BCLAF3: variants seen among roughly 807,000 people sequenced by gnomAD.
BCLAF3 encodes BCLAF1 and THRAP3 family member 3, also known as transient octamer binding factor 1.
A neutral mutation model predicts 51.2 loss-of-function variants in BCLAF3; 24 were observed. The observed-to-expected ratio is 0.47, with a 90% confidence interval of 0.34 to 0.66. The LOEUF is 0.66. Among genes scored for constraint, BCLAF3 ranks in the 30% least tolerant of loss-of-function variants. The pLI is 0.01. For missense variants in BCLAF3, 465 were observed against 525.1 expected (o/e 0.89, Z 1.12); for synonymous variants, 152 against 176.6 (o/e 0.86, Z 1.10).
chrX:19,956,402 C>T (rs951300540), intron 4 of BCLAF3, among the ~76,000 whole-genome samples: 1 of 111,468 alleles, frequency 9.0e-6, no homozygotes, highest in Non-Finnish European at 1.9e-5. Flanking sequence ...TTACAATAAC[C>T]CTATGGGGAA....
At chrX:19,940,556 T>G (rs1474469659) in intron 8 of BCLAF3, among the ~76,000 whole-genome samples, 1 of 111,073 alleles carries the variant, frequency 9.0e-6, no homozygotes, top group Non-Finnish European at 1.9e-5. Context: ...TTACTGAGAA[T>G]GATGATTTCC....
At chrX:19,922,219 A>G (rs1006555630) in intron 11 of BCLAF3, among the ~76,000 whole-genome samples, 1 of 110,903 alleles carries the variant, frequency 9.0e-6, no homozygotes, top group Non-Finnish European at 1.9e-5. Flanking sequence ...CATTCAAAAT[A>G]CTTTTTGATA....
At chrX:19,949,798 A>T (rs2071419530) in intron 8 of BCLAF3, among the ~76,000 whole-genome samples, 1 of 112,398 alleles carries the variant, frequency 8.9e-6, no homozygotes, top group African/African-American at 3.2e-5. Flanking sequence ...ATGGAAAAAC[A>T]ATTAGCACTG....
Position 19,955,436 on chromosome X carries a change from C to T in BCLAF3, c.1405G>A (p.Gly469Arg). The T allele has an allele frequency of 8.3e-7, 1 of 1,200,175 alleles. No homozygotes were observed. The highest frequency in any genetic ancestry group is 1.1e-6 in the Non-Finnish European group (1 of 891,274). The change falls in exon 5 of 12, where the codon GGA (glycine) becomes AGA (arginine). Residue 469 changes from glycine to arginine, a missense_variant. Coordinates refer to ENST00000379682, the MANE Select transcript of BCLAF3 (RefSeq NM_001367774.2). ...GTTATGATTTCCTGAGCAAATTCTC[C>T]TGTAGGTTTGTTTTCAGTATTCTGA... is the stretch of plus-strand genomic sequence containing the variant. Reference protein sequence around the residue: ...STQNTENKPTGEFAQEIITII... With the variant: ...STQNTENKPTREFAQEIITII...
intron 4 of BCLAF3, among the ~76,000 whole-genome samples, chrX:19,959,616 T>TAA (rs1309131005): frequency 1.8e-4 from 16 of 91,073 alleles, no homozygotes; most frequent in African/African-American, 4.8e-4. Flanking sequence ...CGACTAAAAA[T>TAA]AAAAAAAAAA....
intron 8 of BCLAF3, among the ~76,000 whole-genome samples, chrX:19,940,266 T>C (rs985651657): frequency 4.9e-5 from 4 of 82,458 alleles, no homozygotes; most frequent in African/African-American, 3.2e-4. Context: ...TATTTTTTAT[T>C]TATTTATTTA....
intron 1 of BCLAF3, among the ~76,000 whole-genome samples, chrX:19,988,822 G>A (rs956513715): frequency 9.0e-6 from 1 of 111,342 alleles, no homozygotes; most frequent in Non-Finnish European, 1.9e-5. Flanking sequence ...GGATTTCAAG[G>A]GGATCCTAAC....
At chrX:19,937,570 G>A in intron 8 of BCLAF3, 38 bp from the exon 9 acceptor site, 2 of 720,002 alleles carry the variant, frequency 2.8e-6, no homozygotes, top group Non-Finnish European at 4.1e-6. Context: ...TATTTTATTA[G>A]TATACCTTTT....
rs868337950 is a variant in BCLAF3, at chrX:19,982,581, A to G, written c.-35+8327T>C. On this transcript the variant is annotated intron_variant, in intron 1 of 11. Transcript: ENST00000379682. The stretch of plus-strand genomic sequence containing the variant: ...CACACACACACACACACACACACAC[A>G]CACGCACACACACACACATGCACAG... Among the ~76,000 whole-genome samples the G allele has an allele frequency of 3.7e-3, 392 of 106,720 alleles. 1 individual carries two copies. Among genetic ancestry groups the G allele is most frequent in the Non-Finnish European group, 5.8e-3 (302 of 52,197 alleles). The allele number at this position is 106,720 out of a possible 115,157, so 92.7% of individuals were successfully genotyped here.
intron 11 of BCLAF3, among the ~76,000 whole-genome samples, chrX:19,920,053 C>T (rs1295164997): frequency 3.6e-5 from 4 of 110,686 alleles, no homozygotes; most frequent in Non-Finnish European, 7.6e-5. Context: ...CTGAGCACTC[C>T]CTTTCCTCCT....
chrX:19,914,472 C>T lies in BCLAF3; in HGVS notation c.*2833G>A, dbSNP rs1244212960. On this transcript the variant is annotated 3_prime_UTR_variant, in exon 12 of 12. Coordinates refer to ENST00000379682, the MANE Select transcript of BCLAF3 (RefSeq NM_001367774.2). ...GAGTTTCTCATCCAGCTTTACTTTT[C>T]TTGCTTCTGCCTGGAAGTATCCCCG... 2 of 107,463 alleles carry T rather than the reference C, an allele frequency of 1.9e-5. No individual in the cohort carries two copies. The highest frequency in any genetic ancestry group is 3.8e-5 in the Non-Finnish European group (2 of 52,079). The allele number at this position is 107,463 out of a possible 1,213,427, so 8.9% of individuals were successfully genotyped here.
intron 11 of BCLAF3, 30 bp from the exon 12 acceptor site, chrX:19,917,364 C>A: frequency 8.8e-7 from 1 of 1,142,430 alleles, no homozygotes; most frequent in Non-Finnish European, 1.2e-6. Context: ...GAAATAAAGA[C>A]TTCAAACAAA....
chrX:19,965,778 G>A (rs756687354), intron 3 of BCLAF3, 72 bp from the exon 4 acceptor site: 906 of 1,005,862 alleles, frequency 9.0e-4, no homozygotes, highest in Non-Finnish European at 1.1e-3. Flanking sequence ...GTAGAATGTC[G>A]GGCAGCATGG....
intron 2 of BCLAF3, 39 bp downstream of exon 2, chrX:19,970,185 C>T (rs1312914036): frequency 8.8e-7 from 1 of 1,140,304 alleles, no homozygotes; most frequent in Non-Finnish European, 1.2e-6. Flanking sequence ...AGTCACAGCA[C>T]ATCCCAAATC....
chrX:19,989,305 G>A (rs2072884784), intron 1 of BCLAF3, among the ~76,000 whole-genome samples: 1 of 110,416 alleles, frequency 9.1e-6, no homozygotes, highest in Non-Finnish European at 1.9e-5. Context: ...AGACCAGCCT[G>A]GCAAATATGG....
chrX:19,970,205 T>C lies in BCLAF3; in HGVS notation c.41+19A>G, dbSNP rs758362103. 1 of 1,200,379 alleles carries C rather than the reference T, an allele frequency of 8.3e-7. No individual in the cohort carries two copies. The highest frequency in any genetic ancestry group is 1.1e-6 in the Non-Finnish European group (1 of 885,150). ...CAGCACATCCCAAATCCAAGCTTAC[T>C]CTGCTAAGAACTGCTCACCTGTGTT... On this transcript the variant is annotated intron_variant, in intron 2 of 11. Coordinates refer to ENST00000379682, the MANE Select transcript of BCLAF3 (RefSeq NM_001367774.2).
At chrX:19,953,754 T>G in intron 6 of BCLAF3, 24 bp downstream of exon 6, 1 of 1,125,005 alleles carries the variant, frequency 8.9e-7, no homozygotes, top group Non-Finnish European at 1.2e-6. Context: ...GTTAAATGGG[T>G]ATAATATGGT....
At chrX:19,940,650 T>G (rs1273710248) in intron 8 of BCLAF3, among the ~76,000 whole-genome samples, 2 of 109,367 alleles carry the variant, frequency 1.8e-5, no homozygotes, top group Non-Finnish European at 3.8e-5. Context: ...TGTGCCACAT[T>G]TTCTTAATCC....
rs919350350 is a variant in BCLAF3, at chrX:19,915,577, G to C, written c.*1728C>G. 9.0e-6 allele frequency: 1 copy of C among 111,644 alleles called. No individual in the cohort carries two copies. Among genetic ancestry groups the C allele is most frequent in the Non-Finnish European group, 1.9e-5 (1 of 53,114 alleles). 9.2% of individuals were successfully genotyped at this position (111,644 alleles called of 1,213,427 possible). On this transcript the variant is annotated 3_prime_UTR_variant, in exon 12 of 12. Coordinates refer to ENST00000379682, the MANE Select transcript of BCLAF3 (RefSeq NM_001367774.2). ...ATGTGTTACAATAAATAAAAAGCGAGCTATAAAGGCGATTTACCAAGTTAT... is the reference window on the plus strand; with the variant it reads ...ATGTGTTACAATAAATAAAAAGCGACCTATAAAGGCGATTTACCAAGTTAT...
Sources: allele counts gnomAD v4.1 joint callset (sites outside exome capture counted in the v4.1 genomes callset), GRCh38; gene constraint gnomAD v4.1.1; transcripts MANE v1.5; gene names NCBI Gene and HGNC (gene_info 2026-07-23, HGNC 2026-07-21).